Variants in MTHFD2L observed in about 807,000 individuals in gnomAD.
MTHFD2L encodes the protein bifunctional methylenetetrahydrofolate dehydrogenase/cyclohydrolase 2, mitochondrial.
In MTHFD2L, 29 loss-of-function variants were observed where a neutral mutation model predicts 34.9. That is an observed-to-expected ratio of 0.83 (90% confidence interval 0.62 to 1.13). The LOEUF (loss-of-function observed/expected upper bound fraction) is 1.13, where lower values mean the gene tolerates loss of function less well. Among genes scored for constraint, MTHFD2L ranks in the 50% most tolerant of loss-of-function variants. The pLI, the probability that MTHFD2L is intolerant of heterozygous loss-of-function variation, is 0.00. For synonymous variants in MTHFD2L, 167 were observed against 155.7 expected (o/e 1.07, Z -0.54); for missense variants, 481 against 446.5 (o/e 1.08, Z -0.70).
intron 6 of MTHFD2L, among the ~76,000 whole-genome samples, chr4:74,279,796 A>T (rs1747191373): frequency 6.6e-6 from 1 of 152,144 alleles, no homozygotes; most frequent in East Asian, 1.9e-4. Flanking sequence ...ACCAATAAAA[A>T]AGATAAGTTC....
intron 3 of MTHFD2L, among the ~76,000 whole-genome samples, chr4:74,196,604 T>C (rs1398948454): frequency 6.6e-6 from 1 of 152,184 alleles, no homozygotes; most frequent in Non-Finnish European, 1.5e-5. Context: ...CCTTTTTTTT[T>C]CTGTTCATTG....
At chr4:74,281,378 G>C in intron 6 of MTHFD2L, 47 bp from the exon 7 acceptor site, 1 of 1,555,884 alleles carries the variant, frequency 6.4e-7, no homozygotes, top group South Asian at 1.1e-5. Context: ...AAACAGATAT[G>C]TACACCTTTG....
chr4:74,147,435 T>C (rs1723660900), intron 1 of MTHFD2L, among the ~76,000 whole-genome samples: 1 of 152,180 alleles, frequency 6.6e-6, no homozygotes, highest in African/African-American at 2.4e-5. Context: ...CTTCTACAGC[T>C]TGGTGGTGCT....
chr4:74,180,626 A>G, intron 3 of MTHFD2L: 1 of 382,866 alleles, frequency 2.6e-6, no homozygotes, highest in South Asian at 1.8e-5. Context: ...GAAATGAGAT[A>G]GAATTCTGTC....
At chr4:74,243,206 T>G (rs1025626572) in intron 6 of MTHFD2L, among the ~76,000 whole-genome samples, 1 of 152,170 alleles carries the variant, frequency 6.6e-6, no homozygotes, top group Non-Finnish European at 1.5e-5. Context: ...ACTTTTGTAG[T>G]TTTCTTTTAC....
intron 3 of MTHFD2L, among the ~76,000 whole-genome samples, chr4:74,180,195 T>A (rs1329093880): frequency 6.6e-6 from 1 of 152,166 alleles, no homozygotes; most frequent in African/African-American, 2.4e-5. Context: ...AACTATTCTC[T>A]GATATGTCCA....
chr4:74,167,549 C>A (rs150667595), intron 1 of MTHFD2L, among the ~76,000 whole-genome samples: 133 of 152,258 alleles, frequency 8.7e-4, no homozygotes, highest in Non-Finnish European at 1.5e-3. Context: ...TGTGGGAGCT[C>A]ACAGCAGATT....
chr4:74,161,495 A>G (rs191779577), intron 1 of MTHFD2L: 4 of 152,346 alleles, frequency 2.6e-5, no homozygotes, highest in Admixed American at 1.3e-4. Context: ...TTGATTTCTA[A>G]GAAGTTCTTA....
intron 1 of MTHFD2L, among the ~76,000 whole-genome samples, chr4:74,159,125 GA>G (rs1039026877): frequency 2.6e-5 from 4 of 152,200 alleles, no homozygotes; most frequent in African/African-American, 9.6e-5. Flanking sequence ...TGGTAACGTG[GA>G]AACTTAGATA....
At chr4:74,122,774 C>T (rs114868521), upstream of MTHFD2L, among the ~76,000 whole-genome samples, 541 of 152,136 alleles carry the variant, frequency 3.6e-3, 2 homozygotes, top group African/African-American at 5.3e-3. Flanking sequence ...CCACCCATAA[C>T]GGTAAAGGAT....
intron 1 of MTHFD2L, among the ~76,000 whole-genome samples, chr4:74,172,144 A>G (rs570342342): frequency 4.6e-5 from 7 of 152,314 alleles, no homozygotes; most frequent in South Asian, 2.1e-4. Context: ...AAAGAGGTCA[A>G]TGGTTGCCTG....
At chr4:74,291,039 A>G (rs1459369145) in intron 7 of MTHFD2L, among the ~76,000 whole-genome samples, 2 of 23,226 alleles carry the variant, frequency 8.6e-5, no homozygotes, top group East Asian at 3.1e-3. Context: ...TTTTTTTGAG[A>G]TGGAGTCTTG....
intron 5 of MTHFD2L, among the ~76,000 whole-genome samples, chr4:74,210,117 A>G (rs551241715): frequency 3.0e-4 from 45 of 152,072 alleles, no homozygotes; most frequent in African/African-American, 9.9e-4. Flanking sequence ...ATAGATTGCA[A>G]ATTTTTTCTC....
intron 6 of MTHFD2L, 122 bp from the exon 7 acceptor site, chr4:74,281,303 A>G: frequency 1.0e-6 from 1 of 969,688 alleles, no homozygotes; most frequent in South Asian, 2.2e-5. Context: ...CTGTTTTTTA[A>G]GGAACAATGT....
At chr4:74,128,475 C>T (rs1437698587) in intron 1 of MTHFD2L, among the ~76,000 whole-genome samples, 3 of 151,952 alleles carry the variant, frequency 2.0e-5, no homozygotes, top group Non-Finnish European at 4.4e-5. Flanking sequence ...AAAGAGACTG[C>T]CCTTCCCCCA....
chr4:74,241,472 T>G (rs1285773415), intron 6 of MTHFD2L: 1 of 263,400 alleles, frequency 3.8e-6, no homozygotes, highest in Non-Finnish European at 7.9e-6. Flanking sequence ...TGGCTCACTG[T>G]AGCCTTGACC....
chr4:74,195,382 CTAATT>C (rs1560473729), intron 3 of MTHFD2L: 1 of 152,078 alleles, frequency 6.6e-6, no homozygotes, highest in African/African-American at 2.4e-5. Flanking sequence ...AAGAAGGAAA[CTAATT>C]AGGAGGCTGT....
At chr4:74,176,624 C>G (rs1482725267) in intron 3 of MTHFD2L, among the ~76,000 whole-genome samples, 1 of 152,040 alleles carries the variant, frequency 6.6e-6, no homozygotes, top group Admixed American at 6.6e-5. Flanking sequence ...CACTGATCAT[C>G]ATCTCATCTG....
chr4:74,143,823 A>G (rs1313548247), intron 1 of MTHFD2L, among the ~76,000 whole-genome samples: 1 of 152,218 alleles, frequency 6.6e-6, no homozygotes, highest in Non-Finnish European at 1.5e-5. Flanking sequence ...ATGAGAAGAA[A>G]GAGAAAAGCA....
Sources: gnomAD v4.1 joint callset for allele counts (sites outside exome capture counted in the v4.1 genomes callset) on GRCh38, gnomAD v4.1.1 for gene constraint, MANE v1.5 for transcripts, NCBI Gene and HGNC (gene_info 2026-07-23, HGNC 2026-07-21) for gene names.